COLGALT2: variants seen among roughly 807,000 people sequenced by gnomAD.
The protein encoded by COLGALT2 is procollagen galactosyltransferase 2.
COLGALT2 carries 49 observed loss-of-function variants against 73.4 expected under a neutral mutation model. That is an observed-to-expected ratio of 0.67 (90% CI 0.53 to 0.85). The LOEUF (loss-of-function observed/expected upper bound fraction) is 0.85, where lower values mean the gene tolerates loss of function less well. COLGALT2 is among the 40% of genes least tolerant of loss of function. The pLI, the probability that COLGALT2 is intolerant of heterozygous loss-of-function variation, is 0.00. For synonymous variants in COLGALT2, 295 were observed against 307.6 expected (o/e 0.96, Z 0.43); for missense variants, 722 against 790.2 (o/e 0.91, Z 1.03).
intron 2 of COLGALT2, among the ~76,000 whole-genome samples, chr1:183,975,677 C>T (rs1671170287): frequency 6.6e-6 from 1 of 152,194 alleles, no homozygotes; most frequent in African/African-American, 2.4e-5. Flanking sequence ...AAGGTTTAAT[C>T]TACTTGTTGG....
chr1:183,937,511 G>A lies in COLGALT2; in HGVS notation c.*1250C>T. 1 of 985,426 alleles carries A rather than the reference G, an allele frequency of 1.0e-6. No individual in the cohort carries two copies. The highest frequency in any genetic ancestry group is 1.2e-6 in the Non-Finnish European group (1 of 829,960). The allele number at this position is 985,426 out of a possible 1,614,324, so 61.0% of individuals were successfully genotyped here. On this transcript the variant is annotated 3_prime_UTR_variant, in exon 12 of 12. Transcript: ENST00000361927. ...GATTCTAAGAGCTTCCCTGGTTGCT[G>A]GCCTAAATCAGGTGACCAGCCCTTT...
In COLGALT2 at chr1:183,936,881, G is replaced by A. The variant is rs922187561; in HGVS notation, c.*1880C>T. 7 of 1,231,696 alleles carry A rather than the reference G, an allele frequency of 5.7e-6. No individual in the cohort carries two copies. In the African/African-American group the frequency reaches 9.3e-5, roughly 16 times the overall value. The allele number at this position is 1,231,696 out of a possible 1,614,324, so 76.3% of individuals were successfully genotyped here. On this transcript the variant is annotated 3_prime_UTR_variant, in exon 12 of 12. Coordinates refer to ENST00000361927, the MANE Select transcript of COLGALT2 (RefSeq NM_015101.4). ...GTACCCACAGTGAGTCGGGAAGGAA[G>A]GCCGAGGCTGGCGTCTGGTGGAAGG...
At chr1:184,035,521 T>C (rs1246071069) in intron 1 of COLGALT2, among the ~76,000 whole-genome samples, 1 of 152,224 alleles carries the variant, frequency 6.6e-6, no homozygotes, top group Non-Finnish European at 1.5e-5. Context: ...GTCTCTTTCT[T>C]TGCAAAATAA....
intron 1 of COLGALT2, among the ~76,000 whole-genome samples, chr1:184,023,998 A>G (rs1649254279): frequency 1.3e-5 from 2 of 152,236 alleles, no homozygotes; most frequent in African/African-American, 4.8e-5. Context: ...GATTTGAGAC[A>G]TGGATAAGTC....
rs1670087263 is a variant in COLGALT2, at chr1:183,940,791, T to A, written c.1398-4A>T. 3.7e-6 allele frequency: 6 copies of A among 1,611,980 alleles called. No homozygotes were observed. Among genetic ancestry groups the A allele is most frequent in the Non-Finnish European group, 5.1e-6 (6 of 1,178,138 alleles). On this transcript the variant is annotated splice_polypyrimidine_tract_variant and splice_region_variant and intron_variant, in intron 10 of 11. Coordinates refer to ENST00000361927, the MANE Select transcript of COLGALT2 (RefSeq NM_015101.4). ...CATCCTCTTCCTACCAATATAACTG[T>A]AAGGAAATGGCAGAGGAGAAAAATT...
At chr1:183,962,366 C>T (rs1189952950) in intron 6 of COLGALT2, among the ~76,000 whole-genome samples, 1 of 151,766 alleles carries the variant, frequency 6.6e-6, no homozygotes, top group Non-Finnish European at 1.5e-5. Context: ...ACCATGTTGG[C>T]CAGGCTGATC....
intron 6 of COLGALT2, among the ~76,000 whole-genome samples, chr1:183,955,448 G>T (rs756634407): frequency 3.9e-5 from 6 of 152,160 alleles, no homozygotes; most frequent in Non-Finnish European, 7.3e-5. Flanking sequence ...GGCAGGTTTA[G>T]GTGTGGGTGC....
intron 4 of COLGALT2, among the ~76,000 whole-genome samples, chr1:183,970,484 A>G (rs1671007283): frequency 6.6e-6 from 1 of 152,196 alleles, no homozygotes; most frequent in African/African-American, 2.4e-5. Flanking sequence ...GCATCCACAC[A>G]TAAGGTGCTA....
chr1:183,941,987 C>T (rs374577155), intron 10 of COLGALT2, among the ~76,000 whole-genome samples: 2 of 149,620 alleles, frequency 1.3e-5, no homozygotes, highest in Non-Finnish European at 3.0e-5. Flanking sequence ...CTTGCTCTGT[C>T]GCCCAGGCTG....
chr1:183,964,675 A>G (rs1670817002), intron 5 of COLGALT2, among the ~76,000 whole-genome samples: 1 of 152,192 alleles, frequency 6.6e-6, no homozygotes, highest in African/African-American at 2.4e-5. Context: ...ACAATACCAG[A>G]AGTATGCAAT....
intron 7 of COLGALT2, 37 bp downstream of exon 7, chr1:183,954,725 G>A (rs1327401039): frequency 7.4e-6 from 11 of 1,485,652 alleles, no homozygotes; most frequent in African/African-American, 2.8e-5. Flanking sequence ...GCCTGCACAC[G>A]CGTGCATGTG....
At position 183,978,469 on chromosome 1, in the gene COLGALT2, C is replaced by T; in HGVS notation, c.315G>A (p.Trp105Ter). ...VDNTTEIFRE[W>*]LKNVQRLYHY... ...GATAGAGTCTCTGTACATTTTTCAA[C>T]CACTCCCTGAATATTTCTGTTGTAT... Residue 105 changes from tryptophan to a stop codon, truncating the protein, a stop_gained, in exon 2 of 12, where the codon TGG becomes TGA. Transcript: ENST00000361927. LOFTEE classifies it high-confidence loss of function. 1.2e-6 allele frequency: 2 copies of T among 1,612,884 alleles called. No individual in the cohort carries two copies. The highest frequency in any genetic ancestry group is 1.7e-6 in the Non-Finnish European group (2 of 1,179,112).
At chr1:184,028,145 A>G (rs1306430047) in intron 1 of COLGALT2, among the ~76,000 whole-genome samples, 2 of 152,300 alleles carry the variant, frequency 1.3e-5, no homozygotes, top group South Asian at 2.1e-4. Context: ...CCAAGAAACT[A>G]AAAAACAGTC....
chr1:184,034,882 G>A (rs1295150159), intron 1 of COLGALT2, among the ~76,000 whole-genome samples: 1 of 152,214 alleles, frequency 6.6e-6, no homozygotes, highest in African/African-American at 2.4e-5. Context: ...TGAGTTAACA[G>A]TGCATGGAAG....
intron 1 of COLGALT2, among the ~76,000 whole-genome samples, chr1:184,033,829 G>A (rs1649587406): frequency 6.6e-6 from 1 of 152,222 alleles, no homozygotes; most frequent in African/African-American, 2.4e-5. Context: ...GGATGAATGA[G>A]AAGAGTGAGT....
Position 184,031,817 on chromosome 1 carries a change from ATCCTTCCTTCCTTCCTTCCT to A in COLGALT2, c.263+5258_263+5277del, listed in dbSNP as rs57492822. 7.6e-3 allele frequency among the ~76,000 whole-genome samples: 1,053 copies of A among 139,294 alleles called. 11 individuals are homozygous for A. Among genetic ancestry groups the A allele is most frequent in the African/African-American group, 0.026 (990 of 37,542 alleles). 91.4% of individuals were successfully genotyped at this position (139,294 alleles called of 152,430 possible). On this transcript the variant is annotated intron_variant, in intron 1 of 11. Coordinates refer to ENST00000361927, the MANE Select transcript of COLGALT2 (RefSeq NM_015101.4). ...TCTAGAACAGTGCCTCCATGAATGT[ATCCTTCCTTCCTTCCTTCCT>A]TCCTTCCTTCCTTCCTTCCTTCCTT...
intron 5 of COLGALT2, among the ~76,000 whole-genome samples, chr1:183,966,511 A>C (rs998582533): frequency 6.6e-6 from 1 of 152,198 alleles, no homozygotes; most frequent in African/African-American, 2.4e-5. Flanking sequence ...GCCAATGCCA[A>C]GTGCTTTCTA....
intron 1 of COLGALT2, among the ~76,000 whole-genome samples, chr1:184,000,046 AT>A (rs150001739): frequency 0.069 from 10,497 of 152,050 alleles, 1,243 homozygotes; most frequent in African/African-American, 0.24. Context: ...GGCCTTCTAA[AT>A]TTCCATTATT....
intron 6 of COLGALT2, among the ~76,000 whole-genome samples, chr1:183,958,250 C>G (rs1670606048): frequency 6.6e-6 from 1 of 152,172 alleles, no homozygotes; most frequent in Non-Finnish European, 1.5e-5. Flanking sequence ...CTCCAGTCTA[C>G]AATTCAGAAA....
Sources: allele counts gnomAD v4.1 joint callset (sites outside exome capture counted in the v4.1 genomes callset), GRCh38; gene constraint gnomAD v4.1.1; transcripts MANE v1.5; gene names NCBI Gene and HGNC (gene_info 2026-07-23, HGNC 2026-07-21).